TNIK: variants seen among roughly 807,000 people sequenced by gnomAD.
TNIK encodes the protein TRAF2 and NCK-interacting protein kinase.
A neutral mutation model predicts 191.3 loss-of-function variants in TNIK; 49 were observed. The observed-to-expected ratio is 0.26, with a 90% CI of 0.20 to 0.32. TNIK has a LOEUF of 0.32. TNIK is among the 10% of genes least tolerant of loss of function. The pLI is 1.00. For missense variants in TNIK, 1,155 were observed against 1,702.3 expected, an observed-to-expected ratio of 0.68 and a Z score of 5.66; for synonymous variants, 594 against 600.9, an observed-to-expected ratio of 0.99 and a Z score of 0.17.
chr3:171,145,553 T>A (rs1391673151), intron 12 of TNIK, among the ~76,000 whole-genome samples: 1 of 152,112 alleles, frequency 6.6e-6, no homozygotes, highest in Admixed American at 6.5e-5. Context: ...AGCATGTGAA[T>A]TTGTTAGTTA....
intron 2 of TNIK, among the ~76,000 whole-genome samples, chr3:171,338,970 A>G (rs903273929): frequency 6.6e-6 from 1 of 152,194 alleles, no homozygotes; most frequent in Non-Finnish European, 1.5e-5. Flanking sequence ...ACTATGCTAC[A>G]TCAATTAGTA....
At chr3:171,420,847 A>G (rs78639501) in intron 1 of TNIK, among the ~76,000 whole-genome samples, 3 of 152,324 alleles carry the variant, frequency 2.0e-5, no homozygotes, top group Non-Finnish European at 4.4e-5. Flanking sequence ...GGCAGCATCT[A>G]TTGTGTGGAT....
chr3:171,069,047 A>T (rs186309461), intron 29 of TNIK, 50 bp from the exon 30 acceptor site: 1 of 1,561,640 alleles, frequency 6.4e-7, no homozygotes, highest in Admixed American at 2.0e-5. Context: ...AGGCATCTTA[A>T]TTTTTTTCCT....
At chr3:171,291,781 T>C (rs1048240978) in intron 2 of TNIK, among the ~76,000 whole-genome samples, 6 of 152,194 alleles carry the variant, frequency 3.9e-5, no homozygotes, top group Non-Finnish European at 8.8e-5. Context: ...TGTTTCTCAT[T>C]CAATTTGGAA....
intron 15 of TNIK, among the ~76,000 whole-genome samples, chr3:171,131,905 C>G (rs2108596207): frequency 6.6e-6 from 1 of 152,232 alleles, no homozygotes; most frequent in African/African-American, 2.4e-5. Flanking sequence ...AAGGCCTGTT[C>G]CCTGGTTTAT....
intron 2 of TNIK, among the ~76,000 whole-genome samples, chr3:171,310,157 C>A (rs898857054): frequency 4.6e-5 from 7 of 152,068 alleles, no homozygotes; most frequent in Non-Finnish European, 1.0e-4. Flanking sequence ...AAGACACATG[C>A]TACTGCCTCT....
At chr3:171,140,361 CG>C (rs753142948) in intron 13 of TNIK, 37 bp downstream of exon 13, 3 of 1,500,768 alleles carry the variant, frequency 2.0e-6, no homozygotes, top group Non-Finnish European at 1.8e-6. Flanking sequence ...CTGGGGTCCC[CG>C]GGGGGCCATC....
chr3:171,367,053 T>C (rs992228503), intron 2 of TNIK, among the ~76,000 whole-genome samples: 2 of 152,208 alleles, frequency 1.3e-5, no homozygotes, highest in African/African-American at 4.8e-5. Context: ...TCTCAAGTAT[T>C]TCTTCATAGC....
intron 2 of TNIK, among the ~76,000 whole-genome samples, chr3:171,260,798 T>C (rs754033714): frequency 6.6e-6 from 1 of 152,176 alleles, no homozygotes; most frequent in Non-Finnish European, 1.5e-5. Context: ...TTCCTTTCCT[T>C]TAATGGCTAA....
intron 2 of TNIK, among the ~76,000 whole-genome samples, chr3:171,294,481 G>C (rs1752039387): frequency 6.6e-6 from 1 of 152,134 alleles, no homozygotes; most frequent in South Asian, 2.1e-4. Flanking sequence ...AGCACTTTGG[G>C]AAGCTGAGGT....
chr3:171,447,593 G>T (rs1173546592), intron 1 of TNIK, among the ~76,000 whole-genome samples: 1 of 152,170 alleles, frequency 6.6e-6, no homozygotes, highest in Admixed American at 6.5e-5. Flanking sequence ...GTAGCTCTAC[G>T]ATCTTTGGTA....
intron 23 of TNIK, 139 bp downstream of exon 23, chr3:171,093,698 CTA>C: frequency 9.2e-7 from 1 of 1,086,418 alleles, no homozygotes; most frequent in Non-Finnish European, 1.3e-6. Context: ...AATCACTCAA[CTA>C]TTTGGAAGCA....
intron 18 of TNIK, among the ~76,000 whole-genome samples, chr3:171,120,383 T>C (rs898209174): frequency 6.1e-5 from 9 of 148,172 alleles, no homozygotes; most frequent in African/African-American, 2.3e-4. Flanking sequence ...TGCAGGGGTG[T>C]GATCTCGGCT....
intron 1 of TNIK, among the ~76,000 whole-genome samples, chr3:171,419,733 G>A (rs940184211): frequency 6.6e-6 from 1 of 152,186 alleles, no homozygotes; most frequent in African/African-American, 2.4e-5. Flanking sequence ...ACGAGGTAAT[G>A]CACAGTGCCC....
chr3:171,222,257 G>T (rs935820069), intron 3 of TNIK, among the ~76,000 whole-genome samples: 23 of 152,098 alleles, frequency 1.5e-4, no homozygotes, highest in African/African-American at 5.6e-4. Context: ...TGACTGGCTC[G>T]ATTTGAATTC....
At position 171,101,547 on chromosome 3, in the gene TNIK, G is replaced by A; in HGVS notation, c.2493C>T (p.Ser831=). 1 of 1,613,434 alleles carries A rather than the reference G, an allele frequency of 6.2e-7. No homozygotes were observed. The highest frequency in any genetic ancestry group is 8.5e-7 in the Non-Finnish European group (1 of 1,179,578). Residue 831 remains serine (S), a synonymous_variant, in exon 22 of 33, where the codon TCC becomes TCT. Coordinates refer to ENST00000436636, the MANE Select transcript of TNIK (RefSeq NM_015028.4). ...CGCTACTTTCTGACTCCTCACTGGAGGAGGAGTAATCAGTCACCTTCTTCA... is the reference window on the plus strand; with the variant it reads ...CGCTACTTTCTGACTCCTCACTGGAAGAGGAGTAATCAGTCACCTTCTTCA... ...RPMKKVTDYS[S]SSEESESSEE...
intron 21 of TNIK, among the ~76,000 whole-genome samples, chr3:171,105,435 G>A (rs1016788356): frequency 7.2e-5 from 11 of 152,192 alleles, no homozygotes; most frequent in African/African-American, 2.2e-4. Flanking sequence ...TGTCTCCTAA[G>A]GGAAGAGGAG....
chr3:171,089,675 C>G (rs898697642), intron 23 of TNIK, among the ~76,000 whole-genome samples: 7 of 152,186 alleles, frequency 4.6e-5, no homozygotes, highest in African/African-American at 1.4e-4. Context: ...TAAACACTTT[C>G]TGTGTGCCAA....
chr3:171,272,865 T>A, intron 2 of TNIK, among the ~76,000 whole-genome samples: 1 of 152,250 alleles, frequency 6.6e-6, no homozygotes, highest in East Asian at 1.9e-4. Flanking sequence ...TGGCACTTTA[T>A]TTTGTCCCTT....
Sources: allele counts gnomAD v4.1 joint callset (sites outside exome capture counted in the v4.1 genomes callset), GRCh38; gene constraint gnomAD v4.1.1; transcripts MANE v1.5; gene names NCBI Gene and HGNC (gene_info 2026-07-23, HGNC 2026-07-21).